The following SDAD1 variants were observed in gnomAD, a reference collection of about 807,000 sequenced individuals.
The protein encoded by SDAD1 is protein SDA1 homolog.
SDAD1 carries 79 observed loss-of-function variants against 100.3 expected under a neutral mutation model. The observed-to-expected ratio is 0.79, with a 90% confidence interval of 0.66 to 0.95. The LOEUF is 0.95. SDAD1 is among the 40% of genes least tolerant of loss of function. The pLI, the probability that SDAD1 is intolerant of heterozygous loss-of-function variation, is 0.00. For synonymous variants in SDAD1, 267 were observed against 271.4 expected, an observed-to-expected ratio of 0.98 and a Z score of 0.16; for missense variants, 790 against 810.9, an observed-to-expected ratio of 0.97 and a Z score of 0.31.
chr4:75,965,580 C>A (rs138537920), intron 13 of SDAD1, among the ~76,000 whole-genome samples, 184 bp downstream of exon 13: 5 of 152,090 alleles, frequency 3.3e-5, no homozygotes, highest in Non-Finnish European at 7.4e-5. Context: ...CTCCCCTGGA[C>A]GCCCAGCTTT....
At chr4:75,968,794 G>C (rs1461480718) in intron 11 of SDAD1, among the ~76,000 whole-genome samples, 1 of 152,120 alleles carries the variant, frequency 6.6e-6, no homozygotes, top group Admixed American at 6.5e-5. Flanking sequence ...CACTTTGGGA[G>C]GCCAAGGTGG....
intron 17 of SDAD1, 93 bp from the exon 18 acceptor site, chr4:75,958,034 T>G: frequency 4.1e-6 from 4 of 968,378 alleles, no homozygotes; most frequent in Non-Finnish European, 5.0e-6. Context: ...GTAATGAACC[T>G]TGAACAGATA....
At chr4:75,961,415 G>A (rs1166064881) in intron 14 of SDAD1, 107 bp from the exon 15 acceptor site, 2 of 787,486 alleles carry the variant, frequency 2.5e-6, no homozygotes, top group African/African-American at 1.7e-5. Context: ...AACACGTTGA[G>A]TTTTATATAG....
intron 3 of SDAD1, among the ~76,000 whole-genome samples, chr4:75,980,351 A>C (rs140743774): frequency 1.8e-4 from 28 of 152,350 alleles, no homozygotes; most frequent in African/African-American, 6.5e-4. Flanking sequence ...ATAGAAATAC[A>C]AAAAACCTGA....
At chr4:75,981,686 T>C (rs916682538) in intron 2 of SDAD1, 4 of 840,690 alleles carry the variant, frequency 4.8e-6, no homozygotes, top group Admixed American at 5.5e-5. Flanking sequence ...ATTTAGTACC[T>C]GCTTTTATGA....
chr4:75,959,969 A>G (rs1729136291), intron 17 of SDAD1, 97 bp downstream of exon 17: 1 of 1,294,612 alleles, frequency 7.7e-7, no homozygotes, highest in African/African-American at 1.5e-5. Context: ...CTCAATAAAT[A>G]TCTGCTGAAT....
rs1192765350 is a variant in SDAD1, at chr4:75,961,025, T to C, written c.1356+3A>G. 6.2e-7 allele frequency: 1 copy of C among 1,613,030 alleles called. No individual in the cohort carries two copies. Among genetic ancestry groups the C allele is most frequent in the Non-Finnish European group, 8.5e-7 (1 of 1,179,614 alleles). On this transcript the variant is annotated splice_donor_region_variant and intron_variant, in intron 16 of 21. Coordinates refer to ENST00000356260, the MANE Select transcript of SDAD1 (RefSeq NM_018115.4). ...TAGACCAACATAAGTGTGCTTTACC[T>C]ACCCGGAATTTCTTCTGCAGCATCT...
chr4:75,979,541 C>T (rs1461355182), intron 3 of SDAD1, among the ~76,000 whole-genome samples: 5 of 151,790 alleles, frequency 3.3e-5, no homozygotes, highest in African/African-American at 9.7e-5. Context: ...CTGCAACCTC[C>T]GCCTCCCAGG....
At chr4:75,956,506 G>A (rs763878338) in intron 20 of SDAD1, among the ~76,000 whole-genome samples, 2 of 151,918 alleles carry the variant, frequency 1.3e-5, no homozygotes, top group Non-Finnish European at 2.9e-5. Context: ...CAAAGGTGTG[G>A]AGGAGAAAGG....
At chr4:75,959,963 A>G (rs1729135954) in intron 17 of SDAD1, 103 bp downstream of exon 17, 9 of 1,270,356 alleles carry the variant, frequency 7.1e-6, no homozygotes, top group African/African-American at 1.5e-5. Context: ...TCATTGCTCA[A>G]TAAATATCTG....
At position 75,961,160 on chromosome 4, in the gene SDAD1, A is replaced by G. The variant is rs1025439377; in HGVS notation, c.1279+51T>C. 4 of 1,602,704 alleles carry G rather than the reference A, an allele frequency of 2.5e-6. No homozygotes were observed. In the East Asian group the frequency reaches 8.9e-5, roughly 36 times the overall value. On this transcript the variant is annotated intron_variant, in intron 15 of 21. Transcript: ENST00000356260. ...TGGCCCATAGAGTACAATGAGGTAAAAAGGAGTCACACTGTACTCTTTGGT... is the reference window on the plus strand; with the variant it reads ...TGGCCCATAGAGTACAATGAGGTAAGAAGGAGTCACACTGTACTCTTTGGT...
In SDAD1 at chr4:75,974,044, CAGAGCTTACACACAGCCCTA is replaced by C; in HGVS notation, c.636+12_636+31del. The stretch of plus-strand genomic sequence containing the variant: ...CATGCAGAAGCAGACCATCCACAGA[CAGAGCTTACACACAGCCCTA>C]TAGGTGCTCACCTTGGTGACCTTAG... On this transcript the variant is annotated intron_variant, in intron 7 of 21. Coordinates refer to ENST00000356260, the MANE Select transcript of SDAD1 (RefSeq NM_018115.4). 6.3e-7 allele frequency: 1 copy of C among 1,593,454 alleles called. No homozygotes were observed. Among genetic ancestry groups the C allele is most frequent in the Non-Finnish European group, 8.6e-7 (1 of 1,161,414 alleles).
chr4:75,975,206 G>T (rs1173779543), intron 6 of SDAD1, among the ~76,000 whole-genome samples: 1 of 152,056 alleles, frequency 6.6e-6, no homozygotes, highest in East Asian at 1.9e-4. Context: ...CAAATTTTCT[G>T]CTGTAATGAA....
In SDAD1 at chr4:75,950,815, A is replaced by T. The variant is rs759502341; in HGVS notation, c.2017-18T>A. ...AGTGCCAACTGTAAGATAAAAAAGT[A>T]TTGAAACATGATAACTCTTGGGTAC... On this transcript the variant is annotated intron_variant, in intron 21 of 21. Coordinates refer to ENST00000356260, the MANE Select transcript of SDAD1 (RefSeq NM_018115.4). The T allele has an allele frequency of 1.9e-6, 3 of 1,557,660 alleles. No individual in the cohort carries two copies. The South Asian group carries it at 3.4e-5, about 18-fold the overall frequency.
At chr4:75,977,448 C>G (rs1730216655) in intron 4 of SDAD1, among the ~76,000 whole-genome samples, 198 bp downstream of exon 4, 3 of 152,118 alleles carry the variant, frequency 2.0e-5, no homozygotes. Flanking sequence ...AGTAAATACA[C>G]AAAGCTCTGA....
At chr4:75,969,181 G>C (rs1040196256) in intron 11 of SDAD1, 115 bp downstream of exon 11, 3 of 562,868 alleles carry the variant, frequency 5.3e-6, no homozygotes, top group Non-Finnish European at 9.1e-6. Flanking sequence ...TAAATTTTAT[G>C]TGTTTAAATG....
chr4:75,970,532 T>A (rs1425995117), intron 9 of SDAD1, among the ~76,000 whole-genome samples, 154 bp from the exon 10 acceptor site: 2 of 152,240 alleles, frequency 1.3e-5, no homozygotes, highest in African/African-American at 4.8e-5. Flanking sequence ...GAATTAAAGT[T>A]GGTTTTTGCC....
At chr4:75,983,349 A>G (rs1238230382) in intron 1 of SDAD1, among the ~76,000 whole-genome samples, 1 of 152,204 alleles carries the variant, frequency 6.6e-6, no homozygotes, top group Non-Finnish European at 1.5e-5. Context: ...CTGGTTCTAG[A>G]TCCTTGAGGA....
At chr4:75,970,459 A>C in intron 9 of SDAD1, 81 bp from the exon 10 acceptor site, 1 of 1,053,344 alleles carries the variant, frequency 9.5e-7, no homozygotes, top group Admixed American at 2.0e-5. Context: ...TAAGGCTGTT[A>C]TAAGTCCATT....
Sources: allele counts gnomAD v4.1 joint callset (sites outside exome capture counted in the v4.1 genomes callset), GRCh38; gene constraint gnomAD v4.1.1; transcripts MANE v1.5; gene names NCBI Gene and HGNC (gene_info 2026-07-23, HGNC 2026-07-21).